The following DRC8 variants were observed in gnomAD, a reference collection of about 807,000 sequenced individuals.
The protein encoded by DRC8 is dynein regulatory complex subunit 8.
At chr1:244,989,307 C>T in the DRC8 span, among the ~76,000 whole-genome samples, 2 of 152,188 alleles carry the variant, frequency 1.3e-5, no homozygotes, top group Non-Finnish European at 2.9e-5. Context: ...TCCTTTTCTG[C>T]TCCGGAGTCC....
the DRC8 span, among the ~76,000 whole-genome samples, chr1:245,107,818 G>A: frequency 6.6e-6 from 1 of 152,152 alleles, no homozygotes; most frequent in South Asian, 2.1e-4. Flanking sequence ...GCCCAGCCCA[G>A]ATTCCCTCCA....
At chr1:244,998,728 C>A in the DRC8 span, among the ~76,000 whole-genome samples, 1 of 152,178 alleles carries the variant, frequency 6.6e-6, no homozygotes, top group Non-Finnish European at 1.5e-5. Context: ...AGAGGCCCAG[C>A]AGCATATACC....
chr1:245,107,741 G>A, the DRC8 span, among the ~76,000 whole-genome samples: 1 of 152,070 alleles, frequency 6.6e-6, no homozygotes, highest in Non-Finnish European at 1.5e-5. Context: ...CCAGGCACCG[G>A]GCTCCTAAAG....
chr1:245,006,971 A>G, the DRC8 span, among the ~76,000 whole-genome samples: 1 of 36,222 alleles, frequency 2.8e-5, no homozygotes, highest in African/African-American at 4.9e-5. Context: ...ACAACAACAA[A>G]AAACCCCAGA....
chr1:245,087,537 C>G, the DRC8 span: 1 of 1,276,726 alleles, frequency 7.8e-7, no homozygotes, highest in Non-Finnish European at 9.9e-7. Context: ...TTTAGTATGT[C>G]TAGCCTTACA....
the DRC8 span, among the ~76,000 whole-genome samples, chr1:245,066,947 C>G: frequency 6.6e-6 from 1 of 152,046 alleles, no homozygotes; most frequent in Non-Finnish European, 1.5e-5. Context: ...CTGGATTAAA[C>G]TCACCAGTGA....
the DRC8 span, among the ~76,000 whole-genome samples, chr1:245,094,019 G>A: frequency 1.3e-5 from 2 of 152,196 alleles, no homozygotes; most frequent in Non-Finnish European, 2.9e-5. Context: ...ATGTCAAGAT[G>A]TGTTTCCATG....
At chr1:244,993,212 G>A in the DRC8 span, among the ~76,000 whole-genome samples, 1 of 152,232 alleles carries the variant, frequency 6.6e-6, no homozygotes, top group Non-Finnish European at 1.5e-5. Flanking sequence ...TGACTGCGCA[G>A]TGGTATAAAT....
At chr1:245,051,480 A>G in the DRC8 span, among the ~76,000 whole-genome samples, 6 of 152,012 alleles carry the variant, frequency 3.9e-5, no homozygotes, top group Non-Finnish European at 8.8e-5. Context: ...AGGTTATTGG[A>G]GAAAGGGAAG....
the DRC8 span, among the ~76,000 whole-genome samples, chr1:245,053,966 C>T: frequency 2.6e-5 from 4 of 152,148 alleles, no homozygotes; most frequent in Non-Finnish European, 4.4e-5. Context: ...CCCTCCCACC[C>T]TCTCAGGAAA....
chr1:245,005,247 G>GT, the DRC8 span, among the ~76,000 whole-genome samples: 195 of 145,402 alleles, frequency 1.3e-3, 1 homozygote, highest in South Asian at 0.013. Context: ...TCTCAGTTTT[G>GT]TTTTTTTTTT....
the DRC8 span, among the ~76,000 whole-genome samples, chr1:245,028,144 C>T: frequency 6.6e-6 from 1 of 152,188 alleles, no homozygotes; most frequent in Admixed American, 6.5e-5. Flanking sequence ...CCTGCTCAGC[C>T]TCCCAAAGTG....
the DRC8 span, among the ~76,000 whole-genome samples, chr1:245,031,110 T>C: frequency 6.6e-6 from 1 of 152,068 alleles, no homozygotes; most frequent in African/African-American, 2.4e-5. Flanking sequence ...CCTAATGAGG[T>C]TGTTTGAGCC....
chr1:245,068,189 T>G, the DRC8 span, among the ~76,000 whole-genome samples: 1 of 152,248 alleles, frequency 6.6e-6, no homozygotes. Context: ...TGGTTTTTTC[T>G]TTATTAGATA....
chr1:244,993,496 T>G, the DRC8 span, among the ~76,000 whole-genome samples: 1 of 152,348 alleles, frequency 6.6e-6, no homozygotes, highest in Non-Finnish European at 1.5e-5. Context: ...TCTATAGACC[T>G]GTGAACTAGA....
chr1:244,973,596 A>T, the DRC8 span, among the ~76,000 whole-genome samples: 5 of 152,178 alleles, frequency 3.3e-5, no homozygotes, highest in African/African-American at 9.7e-5. Flanking sequence ...TACCGGTAAG[A>T]TACATTCTTC....
At chr1:244,970,586 C>A in the DRC8 span, 1 of 1,056,590 alleles carries the variant, frequency 9.5e-7, no homozygotes, top group Admixed American at 3.8e-5. Flanking sequence ...GGGGGCCACC[C>A]GGCAGCAGCA....
chr1:245,063,139 C>T, the DRC8 span, among the ~76,000 whole-genome samples: 1 of 152,094 alleles, frequency 6.6e-6, no homozygotes, highest in Non-Finnish European at 1.5e-5. Context: ...CCCATTCTGC[C>T]CTCCCACTTC....
the DRC8 span, among the ~76,000 whole-genome samples, chr1:245,057,693 T>G: frequency 2.0e-5 from 3 of 152,080 alleles, no homozygotes; most frequent in East Asian, 5.8e-4. Context: ...TACATATTTA[T>G]GAGGTCCGTG....
Sources: allele counts gnomAD v4.1 joint callset (sites outside exome capture counted in the v4.1 genomes callset), GRCh38; gene constraint gnomAD v4.1.1; transcripts MANE v1.5; gene names NCBI Gene and HGNC (gene_info 2026-07-23, HGNC 2026-07-21).